Variants in MTMR14 observed in about 807,000 individuals in gnomAD.
The protein encoded by MTMR14 is phosphatidylinositol-3,5-bisphosphate 3-phosphatase MTMR14.
Under a neutral mutation model 86.3 loss-of-function variants are expected in MTMR14, and 48 were observed. That is an observed-to-expected ratio of 0.56 (90% CI 0.44 to 0.71). MTMR14 has a LOEUF of 0.71. Among genes scored for constraint, MTMR14 ranks in the 30% least tolerant of loss-of-function variants. MTMR14 has a pLI of 0.00. For synonymous variants in MTMR14, 366 were observed against 326.1 expected (o/e 1.12, Z -1.32); for missense variants, 780 against 834.6 (o/e 0.93, Z 0.81).
chr3:9,679,108 G>C (rs190443750), intron 9 of MTMR14, among the ~76,000 whole-genome samples: 112 of 152,318 alleles, frequency 7.4e-4, no homozygotes, highest in Non-Finnish European at 1.1e-3. Flanking sequence ...ATAGCAGCAA[G>C]GTCCATCTTG....
chr3:9,682,129 G>T (rs930482784), intron 9 of MTMR14, among the ~76,000 whole-genome samples: 1 of 152,218 alleles, frequency 6.6e-6, no homozygotes, highest in Non-Finnish European at 1.5e-5. Context: ...GCAATGGTGT[G>T]TCTGACACGT....
chr3:9,650,844 G>C (rs765431859), intron 1 of MTMR14, among the ~76,000 whole-genome samples: 1 of 151,006 alleles, frequency 6.6e-6, no homozygotes, highest in Non-Finnish European at 1.5e-5. Context: ...CTGGAGTGCA[G>C]TGGCGCAATC....
intron 5 of MTMR14, among the ~76,000 whole-genome samples, chr3:9,670,619 T>C (rs1019137452): frequency 1.3e-5 from 2 of 151,966 alleles, no homozygotes; most frequent in East Asian, 3.9e-4. Flanking sequence ...TTCAGACTGC[T>C]ACATTATGAG....
intron 17 of MTMR14, among the ~76,000 whole-genome samples, chr3:9,691,733 T>G (rs2076145385): frequency 6.6e-6 from 1 of 152,202 alleles, no homozygotes; most frequent in South Asian, 2.1e-4. Context: ...TCTCAGGCTC[T>G]TGTAGCCAGT....
Position 9,649,709 on chromosome 3 carries a change from G to A in MTMR14, c.126G>A (p.Arg42=). Residue 42 remains arginine, a synonymous_variant, in exon 1 of 19, where the codon CGG becomes CGA. Coordinates refer to ENST00000296003, the MANE Select transcript of MTMR14 (RefSeq NM_001077525.3). ...LLEEFSRTQY[R]AKDGSGTGGS... ...AGGAGTTCTCCCGGACTCAGTACCG[G>A]GCCAAGGATGGCAGCGGGACCGGCG... 1.9e-6 allele frequency: 3 copies of A among 1,613,232 alleles called. No homozygotes were observed. The highest frequency in any genetic ancestry group is 4.5e-5 in the East Asian group (2 of 44,866).
At chr3:9,689,630 A>C (rs890645359) in intron 16 of MTMR14, among the ~76,000 whole-genome samples, 1 of 152,178 alleles carries the variant, frequency 6.6e-6, no homozygotes, top group East Asian at 1.9e-4. Context: ...GGAGTTTGAG[A>C]TCAGTCTGGG....
Position 9,689,984 on chromosome 3 carries a change from C to G in MTMR14, c.1454C>G (p.Ser485Cys), listed in dbSNP as rs761269407. The G allele has an allele frequency of 5.3e-5, 85 of 1,611,074 alleles. No individual in the cohort carries two copies. Among genetic ancestry groups the G allele is most frequent in the Non-Finnish European group, 7.0e-5 (83 of 1,179,648 alleles). Residue 485 changes from serine to cysteine, a missense_variant, in exon 17 of 19, where the codon TCT becomes TGT. Coordinates refer to ENST00000296003, the MANE Select transcript of MTMR14 (RefSeq NM_001077525.3). ...TGCAGGAGGAAGAGCCACTCATCCT[C>G]TCCACAGAGTGTCCTCTGGAACCGG... ...QAAWRKSHSS[S>C]PQSVLWNRPQ... is the part of the protein sequence containing the mutation.
At chr3:9,698,065 T>C (rs1212554839) in intron 18 of MTMR14, among the ~76,000 whole-genome samples, 199 bp downstream of exon 18, 1 of 152,358 alleles carries the variant, frequency 6.6e-6, no homozygotes, top group East Asian at 1.9e-4. Context: ...GTGTGTTCAC[T>C]CTGCAGCCTC....
In MTMR14 at chr3:9,668,752, G is replaced by C; in HGVS notation, c.451G>C (p.Gly151Arg). 1 of 1,614,196 alleles carries C rather than the reference G, an allele frequency of 6.2e-7. No homozygotes were observed. Among genetic ancestry groups the C allele is most frequent in the East Asian group, 2.2e-5 (1 of 44,890 alleles). Reference protein sequence around the residue: ...ICRSATLAGWGELYGRSGYNY... With the variant: ...ICRSATLAGWRELYGRSGYNY... The stretch of plus-strand genomic sequence containing the variant: ...CAGGTCGGCCACACTGGCTGGATGG[G>C]GAGAGCTGTATGGACGCTCAGGCTA... The change falls in exon 4 of 19, where the codon GGA (glycine) becomes CGA (arginine). Residue 151 changes from glycine to arginine, a missense_variant. Coordinates refer to ENST00000296003, the MANE Select transcript of MTMR14 (RefSeq NM_001077525.3).
rs368967310 is a variant in MTMR14, at chr3:9,674,973, C to T, written c.751+2215C>T. The stretch of plus-strand genomic sequence containing the variant: ...CTAAAAATACAAAATTAGCCGGGCG[C>T]GGTGGCGCATGCCTGTAATCCCAGT... On this transcript the variant is annotated intron_variant, in intron 7 of 18. Coordinates refer to ENST00000296003, the MANE Select transcript of MTMR14 (RefSeq NM_001077525.3). Among the ~76,000 whole-genome samples the T allele has an allele frequency of 3.3e-5, 5 of 152,286 alleles. No homozygotes were observed. The South Asian group carries it at 6.2e-4, about 19-fold the overall frequency.
chr3:9,699,898 T>G (rs1484779441), intron 18 of MTMR14: 1 of 152,222 alleles, frequency 6.6e-6, no homozygotes, highest in African/African-American at 2.4e-5. Context: ...CTGTGTGAAA[T>G]TAGAAAGTAA....
rs553599437 is a variant in MTMR14, at chr3:9,687,812, C to G, written c.1165-9C>G. 5 of 1,567,768 alleles carry G rather than the reference C, an allele frequency of 3.2e-6. No individual in the cohort carries two copies. The East Asian group carries it at 6.9e-5, about 22-fold the overall frequency. On this transcript the variant is annotated splice_polypyrimidine_tract_variant and intron_variant, in intron 13 of 18. Transcript: ENST00000296003. ...TTCTCATTGTGCGCTGCTCTTTGGT[C>G]TCCTTTAGATTTTCTTCTTCTGCTT...
At chr3:9,667,443 T>G (rs2048317905) in intron 3 of MTMR14, among the ~76,000 whole-genome samples, 1 of 152,148 alleles carries the variant, frequency 6.6e-6, no homozygotes, top group Non-Finnish European at 1.5e-5. Context: ...TGTACATATT[T>G]TTTTTTTCAG....
chr3:9,663,923 G>C (rs547317980), intron 3 of MTMR14, among the ~76,000 whole-genome samples: 23 of 152,076 alleles, frequency 1.5e-4, no homozygotes, highest in African/African-American at 5.1e-4. Context: ...CGAGTAGCTG[G>C]GATTACAGGA....
intron 2 of MTMR14, among the ~76,000 whole-genome samples, chr3:9,654,484 TTG>T (rs1277456649): frequency 1.3e-5 from 2 of 152,212 alleles, no homozygotes; most frequent in Non-Finnish European, 2.9e-5. Flanking sequence ...TTGGTGCAGG[TTG>T]TGGCCTGTAG....
Position 9,677,914 on chromosome 3 carries a change from C to T in MTMR14, c.823-70C>T. The T allele has an allele frequency of 7.0e-7, 1 of 1,438,504 alleles. No individual in the cohort carries two copies. Among genetic ancestry groups the T allele is most frequent in the South Asian group, 1.2e-5 (1 of 82,700 alleles). The allele number at this position is 1,438,504 out of a possible 1,614,324, so 89.1% of individuals were successfully genotyped here. On this transcript the variant is annotated intron_variant, in intron 8 of 18. Coordinates refer to ENST00000296003, the MANE Select transcript of MTMR14 (RefSeq NM_001077525.3). This position sits in a 1 kb window ranked among gnomAD's most constrained non-coding sequence, Gnocchi z 4.2. ...TGTGGTAGTCACAGCCTCAGGACTG[C>T]AAGCTTCCCCATCACCTAAGCCTCC...
At chr3:9,672,823 C>A (rs943871109) in intron 7 of MTMR14, 65 bp downstream of exon 7, 5 of 1,466,934 alleles carry the variant, frequency 3.4e-6, no homozygotes, top group African/African-American at 2.8e-5. Context: ...ATGAGCAAGC[C>A]CTCTCTACTT....
Position 9,701,633 on chromosome 3 carries a change from G to A in MTMR14, c.1770-157G>A. 5 of 843,764 alleles carry A rather than the reference G, an allele frequency of 5.9e-6. No individual in the cohort carries two copies. In the South Asian group the frequency reaches 7.2e-5, roughly 12 times the overall value. The allele number at this position is 843,764 out of a possible 1,614,324, so 52.3% of individuals were successfully genotyped here. ...AAGGGAAAACAGGGCCAGATATTTG[G>A]GGCCTGAACCACAAGGATAGCATGG... On this transcript the variant is annotated intron_variant, in intron 18 of 18. Transcript: ENST00000296003. The surrounding 1 kb of genome is among the most constrained non-coding windows in gnomAD (Gnocchi z 4.2).
chr3:9,667,517 G>A (rs961070887), intron 3 of MTMR14, among the ~76,000 whole-genome samples: 1 of 151,884 alleles, frequency 6.6e-6, no homozygotes, highest in Non-Finnish European at 1.5e-5. Flanking sequence ...AAGTTAAGTG[G>A]CCCCCACTGG....
Sources: allele counts gnomAD v4.1 joint callset (sites outside exome capture counted in the v4.1 genomes callset), GRCh38; gene constraint gnomAD v4.1.1; non-coding constraint Gnocchi (gnomAD v3.1); transcripts MANE v1.5; gene names NCBI Gene and HGNC (gene_info 2026-07-23, HGNC 2026-07-21).